Variants in MRS2 observed in about 807,000 individuals in gnomAD.
MRS2 encodes the protein magnesium transporter MRS2 homolog, mitochondrial.
A neutral mutation model predicts 52.6 loss-of-function variants in MRS2; 40 were observed. That is an observed-to-expected ratio of 0.76 (90% confidence interval 0.59 to 0.99). The LOEUF is 0.99. MRS2 is among the 50% of genes least tolerant of loss of function. The pLI is 0.00. For synonymous variants in MRS2, 193 were observed against 195.9 expected, an observed-to-expected ratio of 0.98 and a Z score of 0.13; for missense variants, 472 against 532.7, an observed-to-expected ratio of 0.89 and a Z score of 1.12.
intron 4 of MRS2, among the ~76,000 whole-genome samples, chr6:24,409,892 C>T (rs1761596386): frequency 6.6e-6 from 1 of 152,090 alleles, no homozygotes. Context: ...GATATATATC[C>T]AATTGTGTAC....
chr6:24,413,806 T>C (rs1761748169), intron 5 of MRS2, among the ~76,000 whole-genome samples: 1 of 152,250 alleles, frequency 6.6e-6, no homozygotes, highest in South Asian at 2.1e-4. Context: ...ACGTCATCAG[T>C]TTTACCGCTT....
At chr6:24,410,889 T>C (rs1417882522) in intron 4 of MRS2, 4 of 707,694 alleles carry the variant, frequency 5.7e-6, no homozygotes, top group Admixed American at 5.4e-5. Context: ...AACTTTTCTG[T>C]ATAAAAATTT....
At position 24,403,234 on chromosome 6, in the gene MRS2, C is replaced by T. The variant is rs1420595686; in HGVS notation, c.188C>T (p.Ala63Val). The T allele has an allele frequency of 1.9e-6, 3 of 1,593,234 alleles. No homozygotes were observed. The highest frequency in any genetic ancestry group is 2.7e-5 in the African/African-American group (2 of 74,902). Residue 63 changes from alanine to valine, a missense_variant and splice_region_variant, in exon 1 of 11, where the codon GCA (alanine) becomes GTA (valine). Ala to Val is a moderately conservative substitution (Grantham distance 64). Transcript: ENST00000378386. ...QLCGPDRLRV[A>V]GEVHRFRTSD... ...TGCGGGCCCGACCGGCTCCGCGTGG[C>T]AGGTACTGCCCTTCCCCGGCAACAG... is the stretch of plus-strand genomic sequence containing the variant.
intron 5 of MRS2, among the ~76,000 whole-genome samples, chr6:24,414,548 C>A (rs1761776085): frequency 6.6e-6 from 1 of 152,134 alleles, no homozygotes; most frequent in South Asian, 2.1e-4. Context: ...ATGTCTACTT[C>A]TTTCTACACA....
chr6:24,408,577 A>G, intron 3 of MRS2, 133 bp downstream of exon 3: 1 of 666,524 alleles, frequency 1.5e-6, no homozygotes, highest in South Asian at 1.9e-5. Context: ...TTTCTTCAGC[A>G]TTTGTCCATC....
At chr6:24,422,865 G>A in intron 9 of MRS2, 72 bp from the exon 10 acceptor site, 2 of 1,008,436 alleles carry the variant, frequency 2.0e-6, no homozygotes, top group South Asian at 1.4e-5. Flanking sequence ...AAACTCTGGG[G>A]CAGTAACAAT....
At chr6:24,406,348 A>G (rs1390056606) in intron 2 of MRS2, among the ~76,000 whole-genome samples, 1 of 152,220 alleles carries the variant, frequency 6.6e-6, no homozygotes, top group Non-Finnish European at 1.5e-5. Context: ...ATATTTCATT[A>G]GGATTATTTA....
At position 24,407,246 on chromosome 6, in the gene MRS2, G is replaced by C. The variant is rs74422174; in HGVS notation, c.265-1162G>C. Among the ~76,000 whole-genome samples the C allele has an allele frequency of 2.6e-3, 397 of 152,234 alleles. 15 individuals are homozygous for C. In the East Asian group the frequency reaches 0.064, roughly 25 times the overall value. ...GGGTTTATGTATTTGTGAAATATAA[G>C]GCTGAAAGCTAGACTATTACACAAA... On this transcript the variant is annotated intron_variant, in intron 2 of 10. Transcript: ENST00000378386.
At chr6:24,415,999 C>T (rs1345848380) in intron 6 of MRS2, among the ~76,000 whole-genome samples, 2 of 152,052 alleles carry the variant, frequency 1.3e-5, no homozygotes, top group African/African-American at 4.8e-5. Flanking sequence ...GGTGCAGTCT[C>T]AGCTCACTGC....
chr6:24,415,905 T>G (rs1305932873), intron 6 of MRS2, among the ~76,000 whole-genome samples: 1 of 151,490 alleles, frequency 6.6e-6, no homozygotes, highest in Admixed American at 6.6e-5. Flanking sequence ...TGGTGCAGTC[T>G]CAGCTCACTG....
In MRS2 at chr6:24,412,345, T is replaced by G. The variant is rs201401855; in HGVS notation, c.538T>G (p.Tyr180Asp). ...QLSGEGQLVTYPLPFEFRAIE... is the reference protein window; with the variant it reads ...QLSGEGQLVTDPLPFEFRAIE... ...GTCTGGAGAGGGTCAACTCGTTACA[T>G]ACCCTTTACCTTTTGAGTTTAGAGC... The change falls in exon 5 of 11, where the codon TAC becomes GAC. Residue 180 changes from tyrosine (Y) to aspartate (D), a missense_variant. Transcript: ENST00000378386. 1 of 1,595,386 alleles carries G rather than the reference T, an allele frequency of 6.3e-7. No individual in the cohort carries two copies. Among genetic ancestry groups the G allele is most frequent in the East Asian group, 2.3e-5 (1 of 43,912 alleles).
rs767450231 is a variant in MRS2, at chr6:24,403,174, C to T, written c.128C>T (p.Ala43Val). The change falls in exon 1 of 11, where the codon GCC (alanine) becomes GTC (valine). Residue 43 changes from alanine to valine, a missense_variant. Coordinates refer to ENST00000378386, the MANE Select transcript of MRS2 (RefSeq NM_020662.4). Reference protein sequence around the residue: ...GPPVAACGRRANLIGRSRAAQ... With the variant: ...GPPVAACGRRVNLIGRSRAAQ... ...CCCGTTGCTGCCTGCGGCCGCCGAG[C>T]CAACCTGATTGGAAGGAGCCGAGCG... 2.5e-6 allele frequency: 4 copies of T among 1,607,866 alleles called. No individual in the cohort carries two copies. In the South Asian group the frequency reaches 4.4e-5, roughly 18 times the overall value.
At chr6:24,420,156 C>T (rs757526406) in intron 9 of MRS2, among the ~76,000 whole-genome samples, 6 of 152,182 alleles carry the variant, frequency 3.9e-5, no homozygotes, top group Non-Finnish European at 8.8e-5. Flanking sequence ...CTTGTTACTA[C>T]CTCTCTCAGT....
At chr6:24,414,332 A>G (rs1581702858) in intron 5 of MRS2, among the ~76,000 whole-genome samples, 1 of 152,026 alleles carries the variant, frequency 6.6e-6, no homozygotes, top group Admixed American at 6.5e-5. Context: ...GGTACTTGAG[A>G]TTAGGGAGTG....
intron 1 of MRS2, 77 bp from the exon 2 acceptor site, chr6:24,405,091 T>C (rs1478634100): frequency 4.9e-6 from 5 of 1,016,492 alleles, no homozygotes; most frequent in East Asian, 2.4e-5. Context: ...GGCCTCCACA[T>C]ACTTTGAGAG....
intron 9 of MRS2, among the ~76,000 whole-genome samples, chr6:24,422,192 C>G (rs1762066444): frequency 6.6e-6 from 1 of 152,160 alleles, no homozygotes; most frequent in African/African-American, 2.4e-5. Flanking sequence ...CAATAAGTGA[C>G]ATGCATTTCC....
At chr6:24,406,997 GAAAA>G (rs996639767) in intron 2 of MRS2, among the ~76,000 whole-genome samples, 2 of 151,484 alleles carry the variant, frequency 1.3e-5, no homozygotes, top group African/African-American at 4.8e-5. Flanking sequence ...TTCCATTAAA[GAAAA>G]AAAGGGTACA....
In MRS2 at chr6:24,424,920, G is replaced by C. The variant is rs752071821; in HGVS notation, c.*1226G>C. The stretch of plus-strand genomic sequence containing the variant: ...CCCGTCGCTGATTTGGAAGAAAACC[G>C]ATGAAGTACAAGTAAGGTTTCCCCA... On this transcript the variant is annotated 3_prime_UTR_variant, in exon 11 of 11. Transcript: ENST00000378386. The C allele has an allele frequency of 6.6e-6, 1 of 151,876 alleles. No homozygotes were observed. The highest frequency in any genetic ancestry group is 1.5e-5 in the Non-Finnish European group (1 of 67,962). The allele number at this position is 151,876 out of a possible 1,614,324, so 9.4% of individuals were successfully genotyped here.
rs73725407 is a variant in MRS2, at chr6:24,407,308, T to G, written c.265-1100T>G. 8.4e-3 allele frequency among the ~76,000 whole-genome samples: 1,274 copies of G among 152,332 alleles called. 17 individuals carry two copies. The highest frequency in any genetic ancestry group is 0.025 in the African/African-American group (1,044 of 41,560). On this transcript the variant is annotated intron_variant, in intron 2 of 10. Transcript: ENST00000378386. The stretch of plus-strand genomic sequence containing the variant: ...CTTTGATATAAATTTTCCTTTAATG[T>G]TCTATGGAACTTATATATTCATATT...
Sources: allele counts gnomAD v4.1 joint callset (sites outside exome capture counted in the v4.1 genomes callset), GRCh38; gene constraint gnomAD v4.1.1; transcripts MANE v1.5; gene names NCBI Gene and HGNC (gene_info 2026-07-23, HGNC 2026-07-21).